The following HDAC4 variants were observed in gnomAD, a reference collection of about 807,000 sequenced individuals.
HDAC4 encodes histone deacetylase A.
A neutral mutation model predicts 135.1 loss-of-function variants in HDAC4; 16 were observed. The observed-to-expected ratio is 0.12, with a 90% CI of 0.08 to 0.18. The LOEUF (loss-of-function observed/expected upper bound fraction) is 0.18. Among genes scored for constraint, HDAC4 ranks in the 10% least tolerant of loss-of-function variants. The pLI, the probability that HDAC4 is intolerant of heterozygous loss-of-function variation, is 1.00. For synonymous variants in HDAC4, 685 were observed against 653.4 expected (o/e 1.05, Z -0.74); for missense variants, 1,143 against 1,511.8 (o/e 0.76, Z 4.05).
At chr2:239,067,601 G>A (rs2033683538) in intron 23 of HDAC4, among the ~76,000 whole-genome samples, 1 of 152,238 alleles carries the variant, frequency 6.6e-6, no homozygotes. Context: ...GTGCTGTGGG[G>A]CGTTGGGCAC....
chr2:239,132,064 A>C (rs2040624524), intron 11 of HDAC4, among the ~76,000 whole-genome samples: 2 of 152,010 alleles, frequency 1.3e-5, no homozygotes, highest in Admixed American at 1.3e-4. Context: ...CCCCTGAGAC[A>C]CTGAGGACGG....
rs147439297 is a variant in HDAC4 at position 239,112,556 on chromosome 2, G to C, written c.1792-844C>G. On this transcript the variant is annotated intron_variant, in intron 13 of 26. Coordinates refer to ENST00000543185, the MANE Select transcript of HDAC4 (RefSeq NM_001378414.1). ...TGGAGCTGGGCTGGGCTCTGTGTGTGGGGGGGGCACTCAGCCAGGGGCCTG... is the reference window on the plus strand; with the variant it reads ...TGGAGCTGGGCTGGGCTCTGTGTGTCGGGGGGGCACTCAGCCAGGGGCCTG... Among the ~76,000 whole-genome samples the C allele has an allele frequency of 5.5e-3, 831 of 151,560 alleles. 6 individuals are homozygous for C. The highest frequency in any genetic ancestry group is 0.018 in the African/African-American group (733 of 41,286).
In HDAC4 at chr2:239,295,078, C is replaced by T. The variant is rs559868574; in HGVS notation, c.22+57600G>A. 2.0e-4 allele frequency among the ~76,000 whole-genome samples: 31 copies of T among 151,990 alleles called. No homozygotes were observed. In the South Asian group the frequency reaches 2.3e-3, roughly 11 times the overall value. On this transcript the variant is annotated intron_variant, in intron 2 of 26. Coordinates refer to ENST00000543185, the MANE Select transcript of HDAC4 (RefSeq NM_001378414.1). ...ATCCCAGCACTTTGGGAGGCCGAGGCGGGCGGATCACGAGGTCAGGAGATC... is the reference window on the plus strand; with the variant it reads ...ATCCCAGCACTTTGGGAGGCCGAGGTGGGCGGATCACGAGGTCAGGAGATC...
Position 239,077,435 on chromosome 2 carries a change from G to A in HDAC4, c.2750+3660C>T, listed in dbSNP as rs565911044. Among the ~76,000 whole-genome samples the A allele has an allele frequency of 3.9e-5, 6 of 152,328 alleles. No individual in the cohort carries two copies. The East Asian group carries it at 9.6e-4, about 24-fold the overall frequency. On this transcript the variant is annotated intron_variant, in intron 22 of 26. Transcript: ENST00000543185. ...CTAGAGCTTGTCCTCCCAGTCCCCC[G>A]CTATCCTCCAGGGCAGGCACTGTGC... is the stretch of plus-strand genomic sequence containing the variant.
intron 2 of HDAC4, among the ~76,000 whole-genome samples, chr2:239,244,900 C>G (rs2048383747): frequency 6.6e-6 from 1 of 152,208 alleles, no homozygotes; most frequent in Non-Finnish European, 1.5e-5. Flanking sequence ...CCAACCGGCC[C>G]TCCCTGGGAG....
intron 12 of HDAC4, among the ~76,000 whole-genome samples, chr2:239,122,427 C>T (rs549891572): frequency 3.3e-5 from 5 of 152,342 alleles, no homozygotes; most frequent in East Asian, 1.9e-4. Flanking sequence ...CCAGCGAACA[C>T]GGAGGGCCAG....
rs1003892271 is a variant in HDAC4 at position 239,260,253 on chromosome 2, G to A, written c.23-23589C>T. ...ACACACACGCTCATGCAAAAGCATC[G>A]CATGGTGGGTAAGACCGTGGACTCT... is the stretch of plus-strand genomic sequence containing the variant. On this transcript the variant is annotated intron_variant, in intron 2 of 26. Coordinates refer to ENST00000543185, the MANE Select transcript of HDAC4 (RefSeq NM_001378414.1). 3.9e-5 allele frequency among the ~76,000 whole-genome samples: 6 copies of A among 152,308 alleles called. No homozygotes were observed. In the East Asian group the frequency reaches 7.7e-4, roughly 20 times the overall value.
intron 1 of HDAC4, among the ~76,000 whole-genome samples, chr2:239,386,867 G>A (rs570983807): frequency 6.6e-6 from 1 of 152,310 alleles, no homozygotes; most frequent in South Asian, 2.1e-4. Context: ...AGAGGATTTC[G>A]CCACCCTCAC....
intron 2 of HDAC4, among the ~76,000 whole-genome samples, chr2:239,277,898 G>A (rs1310736640): frequency 6.6e-6 from 1 of 151,358 alleles, no homozygotes; most frequent in African/African-American, 2.4e-5. Flanking sequence ...CCAGTCATAC[G>A]CCCCAGTCAC....
In HDAC4 at chr2:239,074,547, G is replaced by A. The variant is rs192223232; in HGVS notation, c.2751-5940C>T. 3.0e-3 allele frequency among the ~76,000 whole-genome samples: 462 copies of A among 152,356 alleles called. 1 individual carries two copies. The highest frequency in any genetic ancestry group is 0.01 in the African/African-American group (433 of 41,584). On this transcript the variant is annotated intron_variant, in intron 22 of 26. Coordinates refer to ENST00000543185, the MANE Select transcript of HDAC4 (RefSeq NM_001378414.1). ...AGCCCAGGCTCGTGGGCACTGGCACGTCGGCCACACGTGAGGCTGCGTGGG... is the reference window on the plus strand; with the variant it reads ...AGCCCAGGCTCGTGGGCACTGGCACATCGGCCACACGTGAGGCTGCGTGGG...
chr2:239,188,525 C>T (rs762391567), intron 4 of HDAC4, among the ~76,000 whole-genome samples: 32 of 152,348 alleles, frequency 2.1e-4, no homozygotes, highest in South Asian at 1.9e-3. Flanking sequence ...CCATGGACCA[C>T]GTGAGCATCT....
intron 3 of HDAC4, among the ~76,000 whole-genome samples, chr2:239,199,080 A>G (rs1250979035): frequency 6.8e-6 from 1 of 147,558 alleles, no homozygotes; most frequent in South Asian, 2.2e-4. Flanking sequence ...ATCTTTTAAG[A>G]CCCCTTCCCC....
intron 1 of HDAC4, among the ~76,000 whole-genome samples, chr2:239,379,170 A>T (rs1365787576): frequency 1.3e-5 from 2 of 152,186 alleles, no homozygotes; most frequent in Non-Finnish European, 2.9e-5. Context: ...GAGGCCGCCA[A>T]GAAAAGCTGT....
chr2:239,183,357 G>A (rs1361490238), intron 4 of HDAC4, among the ~76,000 whole-genome samples: 3 of 152,244 alleles, frequency 2.0e-5, no homozygotes, highest in African/African-American at 7.2e-5. Context: ...CAACTTGCCA[G>A]GGGAACAGCC....
chr2:239,122,179 C>T (rs981732370), intron 12 of HDAC4, among the ~76,000 whole-genome samples: 2 of 152,152 alleles, frequency 1.3e-5, no homozygotes, highest in African/African-American at 2.4e-5. Context: ...TATTCAAAAC[C>T]GAGGATGTCA....
At chr2:239,315,095 T>G (rs2053061454) in intron 2 of HDAC4, among the ~76,000 whole-genome samples, 1 of 152,202 alleles carries the variant, frequency 6.6e-6, no homozygotes, top group African/African-American at 2.4e-5. Flanking sequence ...TCCTTTGTGT[T>G]GATAATAACT....
chr2:239,352,826 A>G lies in HDAC4; in HGVS notation c.-127T>C, dbSNP rs570790621. On this transcript the variant is annotated 5_prime_UTR_variant, in exon 2 of 27. Transcript: ENST00000543185. This position sits in a 1 kb window ranked among gnomAD's most constrained non-coding sequence, Gnocchi z 4.4. ...ACCGGGACGGTGAGGGCTGGGTCAC[A>G]GACGTTCAAGCGCCGAGCCTCGCCG... 23 of 978,744 alleles carry G rather than the reference A, an allele frequency of 2.3e-5. 1 individual carries two copies. The African/African-American group carries it at 3.1e-4, about 13-fold the overall frequency. 60.6% of individuals were successfully genotyped at this position (978,744 alleles called of 1,614,324 possible). A position where few individuals can be genotyped will look rare whatever the true frequency, so the allele number is the denominator to read the frequency against.
rs375563614 is a variant in HDAC4 at position 239,255,445 on chromosome 2, G to C, written c.23-18781C>G. Among the ~76,000 whole-genome samples the C allele has an allele frequency of 1.6e-4, 25 of 152,162 alleles. No individual in the cohort carries two copies. In the East Asian group the frequency reaches 4.8e-3, roughly 29 times the overall value. ...AAGAAACTCAGAGCCAATTATGCAG[G>C]GTTTATGACCTGCATCTCCGGGCTC... On this transcript the variant is annotated intron_variant, in intron 2 of 26. Transcript: ENST00000543185.
chr2:239,166,130 C>T (rs1294402577), intron 5 of HDAC4, among the ~76,000 whole-genome samples: 4 of 152,152 alleles, frequency 2.6e-5, no homozygotes, highest in Non-Finnish European at 5.9e-5. Context: ...GTTAGTTAGG[C>T]TCATTCTGTG....
Sources: gnomAD v4.1 joint callset for allele counts (sites outside exome capture counted in the v4.1 genomes callset) on GRCh38, gnomAD v4.1.1 for gene constraint, Gnocchi (gnomAD v3.1) non-coding constraint, MANE v1.5 for transcripts, NCBI Gene and HGNC (gene_info 2026-07-23, HGNC 2026-07-21) for gene names.